Variants in DNAAF9 observed in about 807,000 individuals in gnomAD.
DNAAF9 encodes shulin.
Under a neutral mutation model 167.0 loss-of-function variants are expected in DNAAF9, and 90 were observed. The observed-to-expected ratio is 0.54, with a 90% confidence interval of 0.45 to 0.64. The LOEUF (loss-of-function observed/expected upper bound fraction) is 0.64, where lower values mean the gene tolerates loss of function less well. Among genes scored for constraint, DNAAF9 ranks in the 30% least tolerant of loss-of-function variants. The pLI, the probability that DNAAF9 is intolerant of heterozygous loss-of-function variation, is 0.00. For missense variants in DNAAF9, 1,315 were observed against 1,442.2 expected, an observed-to-expected ratio of 0.91 and a Z score of 1.43; for synonymous variants, 491 against 508.8, an observed-to-expected ratio of 0.96 and a Z score of 0.47.
intron 30 of DNAAF9, among the ~76,000 whole-genome samples, chr20:3,269,004 C>T (rs1002649251): frequency 1.1e-4 from 16 of 146,144 alleles, no homozygotes; most frequent in African/African-American, 3.8e-4. Context: ...CCCAGGTTCA[C>T]GCCGTTCTCC....
rs148023287 is a variant in DNAAF9 at position 3,349,192 on chromosome 20, C to CAAAAAAAAAAAA, written c.691-570_691-569insTTTTTTTTTTTT. On this transcript the variant is annotated intron_variant, in intron 7 of 36. Coordinates refer to ENST00000252032, the MANE Select transcript of DNAAF9 (RefSeq NM_001009984.3). ...CAACATGATGAGACCTCGTCTCTAC[C>CAAAAAAAAAAAA]AAAAAAAAAAACAAAAAAAAAAAAA... is the stretch of plus-strand genomic sequence containing the variant. Among the ~76,000 whole-genome samples the CAAAAAAAAAAAA allele has an allele frequency of 7.7e-5, 3 of 39,104 alleles. 1 individual carries two copies. The highest frequency in any genetic ancestry group is 2.5e-4 in the African/African-American group (2 of 8,046). The allele number at this position is 39,104 out of a possible 152,430, so 25.7% of individuals were successfully genotyped here.
intron 27 of DNAAF9, among the ~76,000 whole-genome samples, chr20:3,283,985 T>C (rs575639338): frequency 2.6e-5 from 4 of 152,214 alleles, no homozygotes; most frequent in South Asian, 4.2e-4. Flanking sequence ...CCCTGTCTCC[T>C]TGATGAGGCC....
At chr20:3,304,031 G>A (rs562101638) in intron 21 of DNAAF9, among the ~76,000 whole-genome samples, 2 of 152,286 alleles carry the variant, frequency 1.3e-5, no homozygotes, top group East Asian at 1.9e-4. Flanking sequence ...TGTGTATGCT[G>A]AGCCTCATCA....
At chr20:3,270,772 T>C (rs1008023054) in intron 29 of DNAAF9, among the ~76,000 whole-genome samples, 1 of 151,552 alleles carries the variant, frequency 6.6e-6, no homozygotes, top group African/African-American at 2.4e-5. Flanking sequence ...TAGCTTCAAG[T>C]CTGTAGCTGC....
Position 3,252,688 on chromosome 20 carries a change from G to A in DNAAF9, c.3422-4C>T. The A allele has an allele frequency of 2.0e-6, 3 of 1,527,430 alleles. No homozygotes were observed. Among genetic ancestry groups the A allele is most frequent in the Non-Finnish European group, 1.8e-6 (2 of 1,100,816 alleles). The allele number at this position is 1,527,430 out of a possible 1,614,324, so 94.6% of individuals were successfully genotyped here. ...TCATTCATGAACTGGTCCATGACTGGTATCTCATTAAGGAAGAGAGCTCTG... is the reference window on the plus strand; with the variant it reads ...TCATTCATGAACTGGTCCATGACTGATATCTCATTAAGGAAGAGAGCTCTG... On this transcript the variant is annotated splice_polypyrimidine_tract_variant and splice_region_variant and intron_variant, in intron 36 of 36. Transcript: ENST00000252032.
intron 20 of DNAAF9, among the ~76,000 whole-genome samples, chr20:3,308,096 G>C (rs532759407): frequency 1.3e-5 from 2 of 151,986 alleles, no homozygotes; most frequent in East Asian, 3.9e-4. Context: ...TCCTCAATGA[G>C]AGCCCTTCTC....
chr20:3,264,448 A>G lies in DNAAF9; in HGVS notation c.2863T>C (p.Tyr955His), dbSNP rs753377406. ...AATGATGATACTTGCCAGCCAGGAT[A>G]CATTAAATATCGAGATCGTAGCATC... ...PEMLRSRYLM[Y>H]PGWYEGKLNA... is the part of the protein sequence containing the mutation. The change falls in exon 31 of 37, where the codon TAT (tyrosine) becomes CAT (histidine). Residue 955 changes from tyrosine to histidine, a missense_variant. Transcript: ENST00000252032. 2.1e-6 allele frequency: 3 copies of G among 1,447,234 alleles called. No homozygotes were observed. The highest frequency in any genetic ancestry group is 9.7e-7 in the Non-Finnish European group (1 of 1,028,616). 89.6% of individuals were successfully genotyped at this position (1,447,234 alleles called of 1,614,324 possible). A position where few individuals can be genotyped will look rare whatever the true frequency, so the allele number is the denominator to read the frequency against.
chr20:3,255,383 C>G lies in DNAAF9; in HGVS notation c.3262-99G>C, dbSNP rs966000253. Reference sequence around the variant, plus strand: ...CTCTATTACACAACTAAGATCTCAGCAGTGGGGAAAGCACGTGCGCTATGG... The same window carrying G: ...CTCTATTACACAACTAAGATCTCAGGAGTGGGGAAAGCACGTGCGCTATGG... On this transcript the variant is annotated intron_variant, in intron 34 of 36. Coordinates refer to ENST00000252032, the MANE Select transcript of DNAAF9 (RefSeq NM_001009984.3). The G allele has an allele frequency of 6.8e-6, 5 of 731,434 alleles. No individual in the cohort carries two copies. In the African/African-American group the frequency reaches 7.0e-5, roughly 10 times the overall value. 45.3% of individuals were successfully genotyped at this position (731,434 alleles called of 1,614,324 possible). A position where few individuals can be genotyped will look rare whatever the true frequency, so the allele number is the denominator to read the frequency against.
Position 3,308,811 on chromosome 20 carries a change from T to C in DNAAF9, c.1679-4268A>G, listed in dbSNP as rs2069350883. On this transcript the variant is annotated intron_variant, in intron 20 of 36. Coordinates refer to ENST00000252032, the MANE Select transcript of DNAAF9 (RefSeq NM_001009984.3). Reference sequence around the variant, plus strand: ...AGCCAACATGGTGAAACTCCATCTCTACTAAAAAAAAAAAAAAATTAGCCA... The same window carrying C: ...AGCCAACATGGTGAAACTCCATCTCCACTAAAAAAAAAAAAAAATTAGCCA... 4.0e-5 allele frequency among the ~76,000 whole-genome samples: 6 copies of C among 150,668 alleles called. 1 individual carries two copies. In the South Asian group the frequency reaches 1.3e-3, roughly 32 times the overall value.
At chr20:3,357,398 G>A (rs114536950) in intron 7 of DNAAF9, among the ~76,000 whole-genome samples, 2 of 152,100 alleles carry the variant, frequency 1.3e-5, no homozygotes, top group African/African-American at 4.8e-5. Flanking sequence ...TTGAACCTGT[G>A]GGGGTGGAAG....
intron 10 of DNAAF9, among the ~76,000 whole-genome samples, chr20:3,335,712 A>G (rs1232298659): frequency 7.3e-4 from 94 of 128,986 alleles, no homozygotes; most frequent in Admixed American, 1.4e-3. Flanking sequence ...AGCCGAGATC[A>G]TGCCACTGCA....
At position 3,287,857 on chromosome 20, in the gene DNAAF9, T is replaced by C. The variant is rs907231599; in HGVS notation, c.2328-67A>G. On this transcript the variant is annotated intron_variant, in intron 26 of 36. Coordinates refer to ENST00000252032, the MANE Select transcript of DNAAF9 (RefSeq NM_001009984.3). ...TGGCCTAGCTCCATAGGTTCAGCCA[T>C]GGATTCAAATGTGACCATGAGTCCT... The C allele has an allele frequency of 3.6e-6, 5 of 1,380,720 alleles. No individual in the cohort carries two copies. In the African/African-American group the frequency reaches 4.3e-5, roughly 12 times the overall value. 85.5% of individuals were successfully genotyped at this position (1,380,720 alleles called of 1,614,324 possible). A position where few individuals can be genotyped will look rare whatever the true frequency, so the allele number is the denominator to read the frequency against.
chr20:3,250,953 C>G lies in DNAAF9; in HGVS notation c.*1619G>C, dbSNP rs948519485. The G allele has an allele frequency of 1.3e-5, 2 of 152,216 alleles. No individual in the cohort carries two copies. Among genetic ancestry groups the G allele is most frequent in the Non-Finnish European group, 2.9e-5 (2 of 68,042 alleles). 9.4% of individuals were successfully genotyped at this position (152,216 alleles called of 1,614,324 possible). On this transcript the variant is annotated 3_prime_UTR_variant, in exon 37 of 37. Coordinates refer to ENST00000252032, the MANE Select transcript of DNAAF9 (RefSeq NM_001009984.3). ...TACTGATTCTGAAGCGAGGCAAGCC[C>G]TTGACGGACCGCAGCCTCTGGCCAG...
At chr20:3,338,795 G>A (rs908765682) in intron 10 of DNAAF9, among the ~76,000 whole-genome samples, 11 of 151,916 alleles carry the variant, frequency 7.2e-5, no homozygotes, top group African/African-American at 2.7e-4. Flanking sequence ...TGGGATAACA[G>A]GCGCCCGCCA....
chr20:3,326,889 T>C (rs1311312676), intron 12 of DNAAF9, among the ~76,000 whole-genome samples: 1 of 152,162 alleles, frequency 6.6e-6, no homozygotes, highest in Non-Finnish European at 1.5e-5. Context: ...TAAAACTGTG[T>C]AGACTCCTTG....
Position 3,318,378 on chromosome 20 carries a change from A to G in DNAAF9, c.1379T>C (p.Ile460Thr). ...ACCATTGCCTCCCAGTAAGTCAGGAATGTCATAGACGGCCATACAAGCCTG... is the reference window on the plus strand; with the variant it reads ...ACCATTGCCTCCCAGTAAGTCAGGAGTGTCATAGACGGCCATACAAGCCTG... ...VKTACMAVYD[I>T]PDLLGGNGCL... Residue 460 changes from isoleucine (I) to threonine (T), a missense_variant, in exon 17 of 37, where the codon ATT becomes ACT. By Grantham distance (89) the Ile-to-Thr change is moderately conservative. Around this residue, in one of 2 missense-constraint regions of DNAAF9, gnomAD observed 981 missense variants for 1,012.5 expected, o/e 0.97. Transcript: ENST00000252032. 1 of 1,599,992 alleles carries G rather than the reference A, an allele frequency of 6.3e-7. No individual in the cohort carries two copies. The highest frequency in any genetic ancestry group is 8.6e-7 in the Non-Finnish European group (1 of 1,167,282).
At chr20:3,407,210 G>C (rs1029892011) in intron 1 of DNAAF9, among the ~76,000 whole-genome samples, 1 of 152,156 alleles carries the variant, frequency 6.6e-6, no homozygotes. Flanking sequence ...CTGTCCCTAG[G>C]GAAGCCATTG....
At chr20:3,255,111 A>G (rs1464121444) in intron 35 of DNAAF9, 108 bp downstream of exon 35, 3 of 681,322 alleles carry the variant, frequency 4.4e-6, no homozygotes, top group Non-Finnish European at 7.8e-6. Context: ...CAAGACCTCC[A>G]GCATGTCCTA....
intron 23 of DNAAF9, 105 bp downstream of exon 23, chr20:3,296,756 T>C: frequency 6.7e-6 from 5 of 744,668 alleles, no homozygotes; most frequent in Non-Finnish European, 2.3e-6. Flanking sequence ...TGTTGACCCT[T>C]TCAGAAGCCA....
Sources: gnomAD v4.1 joint callset for allele counts (sites outside exome capture counted in the v4.1 genomes callset) on GRCh38, gnomAD v4.1.1 for gene constraint, gnomAD v4.1.1 regional missense constraint, MANE v1.5 for transcripts, NCBI Gene and HGNC (gene_info 2026-07-23, HGNC 2026-07-21) for gene names.